Variants in MAF observed in about 807,000 individuals in gnomAD.
The protein encoded by MAF is MAF bZIP transcription factor.
Under a neutral mutation model 22.0 loss-of-function variants are expected in MAF, and 10 were observed. The observed-to-expected ratio is 0.45, with a 90% CI of 0.28 to 0.77. The LOEUF is 0.77. MAF is among the 30% of genes least tolerant of loss of function. MAF has a pLI of 0.12. For synonymous variants in MAF, 337 were observed against 255.8 expected, an observed-to-expected ratio of 1.32 and a Z score of -3.03; for missense variants, 544 against 548.4, an observed-to-expected ratio of 0.99 and a Z score of 0.08.
the MAF span, among the ~76,000 whole-genome samples, chr16:79,345,462 G>C: frequency 6.6e-6 from 1 of 152,008 alleles, no homozygotes; most frequent in Non-Finnish European, 1.5e-5. Flanking sequence ...GCTAGGTGTG[G>C]TGCCTCATGC....
chr16:79,249,519 G>C, the MAF span, among the ~76,000 whole-genome samples: 1 of 151,744 alleles, frequency 6.6e-6, no homozygotes, highest in Non-Finnish European at 1.5e-5. Context: ...GCCCTCACCA[G>C]ACACCAAATC....
At chr16:79,434,808 C>T in the MAF span, among the ~76,000 whole-genome samples, 9 of 151,948 alleles carry the variant, frequency 5.9e-5, no homozygotes, top group African/African-American at 1.5e-4. Flanking sequence ...AGTAGAATAT[C>T]CACAAAGGTT....
the MAF span, chr16:79,212,964 T>C: frequency 6.7e-6 from 1 of 148,770 alleles, no homozygotes; most frequent in Non-Finnish European, 1.5e-5. Context: ...TGTTTTGTTA[T>C]TACTTACTTA....
the MAF span, among the ~76,000 whole-genome samples, chr16:79,570,383 C>T: frequency 6.6e-6 from 1 of 152,122 alleles, no homozygotes; most frequent in Non-Finnish European, 1.5e-5. Context: ...TTAACCCAGC[C>T]ATGTTCCCTC....
chr16:79,484,490 A>AG, the MAF span, among the ~76,000 whole-genome samples: 1 of 152,192 alleles, frequency 6.6e-6, no homozygotes, highest in East Asian at 1.9e-4. Flanking sequence ...AGTCCTTACC[A>AG]GGGGTCAGCC....
the MAF span, among the ~76,000 whole-genome samples, chr16:79,526,851 T>C: frequency 3.3e-5 from 5 of 152,260 alleles, no homozygotes; most frequent in South Asian, 8.3e-4. Context: ...AATAATAAGA[T>C]ATAGATAATA....
At chr16:79,572,283 A>G in the MAF span, among the ~76,000 whole-genome samples, 1 of 152,094 alleles carries the variant, frequency 6.6e-6, no homozygotes, top group Non-Finnish European at 1.5e-5. Context: ...CGTGCCAGGC[A>G]TTTTTGCCCT....
the MAF span, among the ~76,000 whole-genome samples, chr16:79,291,018 A>G: frequency 5.8e-4 from 88 of 152,248 alleles, no homozygotes; most frequent in East Asian, 5.8e-4. Flanking sequence ...TAAATGCCCC[A>G]TTACGAATGC....
At chr16:79,478,654 G>A in the MAF span, among the ~76,000 whole-genome samples, 1 of 152,096 alleles carries the variant, frequency 6.6e-6, no homozygotes, top group African/African-American at 2.4e-5. Context: ...TTCTCTCCTA[G>A]TGTTCCATCC....
At chr16:79,337,719 A>G in the MAF span, among the ~76,000 whole-genome samples, 1 of 152,180 alleles carries the variant, frequency 6.6e-6, no homozygotes, top group South Asian at 2.1e-4. Flanking sequence ...ACATATACAC[A>G]CAAGCACACG....
the MAF span, among the ~76,000 whole-genome samples, chr16:79,297,369 T>C: frequency 3.0e-4 from 46 of 152,320 alleles, no homozygotes; most frequent in African/African-American, 1.1e-3. Context: ...AATGAATATC[T>C]ACGGTGACTG....
At chr16:79,533,312 C>G in the MAF span, among the ~76,000 whole-genome samples, 1 of 152,158 alleles carries the variant, frequency 6.6e-6, no homozygotes, top group Non-Finnish European at 1.5e-5. Context: ...ATCCAAGGGT[C>G]AGTCAGAAGA....
At chr16:79,337,527 C>T in the MAF span, among the ~76,000 whole-genome samples, 1 of 151,940 alleles carries the variant, frequency 6.6e-6, no homozygotes, top group Non-Finnish European at 1.5e-5. Flanking sequence ...AAGATCGTGC[C>T]ACTACACTCC....
the MAF span, among the ~76,000 whole-genome samples, chr16:79,556,785 A>T: frequency 6.6e-6 from 1 of 152,210 alleles, no homozygotes; most frequent in Non-Finnish European, 1.5e-5. Flanking sequence ...TAATCTATCT[A>T]TGCCTCAATT....
At chr16:79,590,210 G>C (rs30407), downstream of MAF, among the ~76,000 whole-genome samples, 10 of 151,960 alleles carry the variant, frequency 6.6e-5, no homozygotes, top group South Asian at 2.1e-4. Context: ...GTTGGCGGAG[G>C]GGGGGATGAT....
the MAF span, among the ~76,000 whole-genome samples, chr16:79,278,977 C>T: frequency 5.8e-4 from 88 of 152,252 alleles, no homozygotes; most frequent in African/African-American, 2.1e-3. Context: ...TGGAAACTTG[C>T]TATACCCCTC....
chr16:79,270,861 T>G, the MAF span, among the ~76,000 whole-genome samples: 1 of 151,580 alleles, frequency 6.6e-6, no homozygotes, highest in African/African-American at 2.4e-5. Context: ...TCATACACAC[T>G]CTGTCCCTCT....
chr16:79,467,052 T>C, the MAF span, among the ~76,000 whole-genome samples: 2 of 152,206 alleles, frequency 1.3e-5, no homozygotes, highest in Non-Finnish European at 2.9e-5. Flanking sequence ...AAAGATCTTT[T>C]CAATATTAGA....
At chr16:79,232,004 G>A in the MAF span, among the ~76,000 whole-genome samples, 3 of 151,916 alleles carry the variant, frequency 2.0e-5, no homozygotes, top group African/African-American at 4.8e-5. Flanking sequence ...GTTTACAATA[G>A]GGTTTGCCCT....
Sources: gnomAD v4.1 joint callset for allele counts (sites outside exome capture counted in the v4.1 genomes callset) on GRCh38, gnomAD v4.1.1 for gene constraint, MANE v1.5 for transcripts, NCBI Gene and HGNC (gene_info 2026-07-23, HGNC 2026-07-21) for gene names.